GPC6: variants seen among roughly 807,000 people sequenced by gnomAD.
GPC6 encodes glypican 6.
A neutral mutation model predicts 55.2 loss-of-function variants in GPC6; 14 were observed. That is an observed-to-expected ratio of 0.25 (90% CI 0.17 to 0.40). GPC6 has a LOEUF of 0.40. GPC6 is among the 10% of genes least tolerant of loss of function. GPC6 has a pLI of 1.00. For missense variants in GPC6, 641 were observed against 708.5 expected (o/e 0.90, Z 1.08); for synonymous variants, 278 against 259.6 (o/e 1.07, Z -0.68).
intron 4 of GPC6, among the ~76,000 whole-genome samples, chr13:94,140,633 T>C (rs1887340060): frequency 6.6e-6 from 1 of 152,106 alleles, no homozygotes; most frequent in South Asian, 2.1e-4. Context: ...GGATTGAAAT[T>C]TAGACCCGAA....
Position 93,640,325 on chromosome 13 carries a change from G to T in GPC6, c.319+94904G>T, listed in dbSNP as rs182234605. Among the ~76,000 whole-genome samples, 5 of 152,152 alleles carry T rather than the reference G, an allele frequency of 3.3e-5. No individual in the cohort carries two copies. In the East Asian group the frequency reaches 7.7e-4, roughly 24 times the overall value. On this transcript the variant is annotated intron_variant, in intron 2 of 8. Transcript: ENST00000377047. ...AGGAAAAATAATTATCAAGTATTGC[G>T]TGCTTACTATATGCCAAGTACATTA...
At chr13:93,664,079 C>T (rs780668355) in intron 2 of GPC6, among the ~76,000 whole-genome samples, 8 of 151,904 alleles carry the variant, frequency 5.3e-5, no homozygotes, top group Non-Finnish European at 7.4e-5. Context: ...GAAGATTGCT[C>T]AAAATGTTTG....
intron 3 of GPC6, among the ~76,000 whole-genome samples, chr13:94,009,190 A>C (rs529906757): frequency 1.3e-5 from 2 of 152,196 alleles, no homozygotes; most frequent in African/African-American, 4.8e-5. Flanking sequence ...AAATCTTTGG[A>C]TAAATATTAC....
chr13:93,334,233 G>T (rs1418008661), intron 1 of GPC6, among the ~76,000 whole-genome samples: 2 of 152,006 alleles, frequency 1.3e-5, no homozygotes, highest in African/African-American at 4.8e-5. Context: ...CTTTTTATCT[G>T]AATGTGTAGC....
At chr13:93,929,434 G>C (rs1426516566) in intron 3 of GPC6, among the ~76,000 whole-genome samples, 1 of 152,150 alleles carries the variant, frequency 6.6e-6, no homozygotes, top group Non-Finnish European at 1.5e-5. Context: ...TATATCATCA[G>C]TTTAATCAGT....
At chr13:93,666,733 T>A (rs1881151661) in intron 2 of GPC6, among the ~76,000 whole-genome samples, 1 of 152,194 alleles carries the variant, frequency 6.6e-6, no homozygotes, top group South Asian at 2.1e-4. Flanking sequence ...ACTAAAATCA[T>A]GTCAGAGTTA....
At position 93,545,358 on chromosome 13, in the gene GPC6, C is replaced by G; in HGVS notation, c.256C>G (p.Leu86Val). 1 of 1,613,748 alleles carries G rather than the reference C, an allele frequency of 6.2e-7. No individual in the cohort carries two copies. Among genetic ancestry groups the G allele is most frequent in the African/African-American group, 1.3e-5 (1 of 75,000 alleles). Reference sequence around the variant, plus strand: ...ACAAAGCAAACTCGAATTTGAAAACCTTGTGGAAGAGACAAGCCATTTTGT... The same window carrying G: ...ACAAAGCAAACTCGAATTTGAAAACGTTGTGGAAGAGACAAGCCATTTTGT... ...SQQSKLEFEN[L>V]VEETSHFVRT... The change falls in exon 2 of 9, where the codon CTT becomes GTT. Residue 86 changes from leucine to valine, a missense_variant. Transcript: ENST00000377047.
intron 6 of GPC6, among the ~76,000 whole-genome samples, chr13:94,347,122 T>C (rs1348269285): frequency 6.6e-6 from 1 of 152,198 alleles, no homozygotes; most frequent in Non-Finnish European, 1.5e-5. Flanking sequence ...GGTGATGTTA[T>C]ATTTGAGCAT....
In GPC6 at chr13:93,558,053, C is replaced by T. The variant is rs1045660011; in HGVS notation, c.319+12632C>T. Among the ~76,000 whole-genome samples the T allele has an allele frequency of 5.9e-5, 9 of 152,180 alleles. No homozygotes were observed. The East Asian group carries it at 1.7e-3, about 29-fold the overall frequency. ...ATTTTAGCCATGTAAATAGCACAGG[C>T]CTTGGATCTTCACAGAATGTGTTTC... On this transcript the variant is annotated intron_variant, in intron 2 of 8. Coordinates refer to ENST00000377047, the MANE Select transcript of GPC6 (RefSeq NM_005708.5).
intron 4 of GPC6, among the ~76,000 whole-genome samples, chr13:94,049,771 ATC>A (rs765921426): frequency 9.2e-5 from 14 of 152,046 alleles, no homozygotes; most frequent in Non-Finnish European, 1.6e-4. Flanking sequence ...TACTTTACCT[ATC>A]TGTTTGTTTG....
chr13:93,737,043 G>A (rs549598209), intron 2 of GPC6, among the ~76,000 whole-genome samples: 4 of 152,266 alleles, frequency 2.6e-5, no homozygotes, highest in African/African-American at 7.2e-5. Flanking sequence ...GGCATTCTGT[G>A]TCCACCTTAC....
intron 2 of GPC6, among the ~76,000 whole-genome samples, chr13:93,674,385 A>G (rs1881495569): frequency 1.3e-5 from 2 of 152,128 alleles, no homozygotes; most frequent in Admixed American, 1.3e-4. Flanking sequence ...TTTATGTCCT[A>G]TCTTTGACTT....
chr13:94,243,967 G>A (rs1016772397), intron 4 of GPC6, among the ~76,000 whole-genome samples: 3 of 152,116 alleles, frequency 2.0e-5, no homozygotes, highest in Non-Finnish European at 4.4e-5. Flanking sequence ...ATAAATGGAT[G>A]CGACTTCCAT....
At chr13:93,470,370 G>A (rs561928177) in intron 1 of GPC6, among the ~76,000 whole-genome samples, 72 of 152,006 alleles carry the variant, frequency 4.7e-4, no homozygotes, top group Non-Finnish European at 8.2e-4. Context: ...TGCATCAGTT[G>A]GTAAAATCAT....
chr13:93,946,512 C>A (rs1879018218), intron 3 of GPC6, among the ~76,000 whole-genome samples: 1 of 152,186 alleles, frequency 6.6e-6, no homozygotes, highest in South Asian at 2.1e-4. Flanking sequence ...AACAAGCTTA[C>A]AAAATTCATG....
At chr13:93,547,613 C>T (rs1176022062) in intron 2 of GPC6, among the ~76,000 whole-genome samples, 2 of 151,936 alleles carry the variant, frequency 1.3e-5, no homozygotes, top group Non-Finnish European at 2.9e-5. Flanking sequence ...TTAGATCTGA[C>T]CTAAGGGAGG....
intron 4 of GPC6, among the ~76,000 whole-genome samples, chr13:94,255,230 T>C (rs562270556): frequency 3.5e-4 from 53 of 152,244 alleles, no homozygotes; most frequent in Non-Finnish European, 6.9e-4. Context: ...GGACTTATAA[T>C]CAAAGAACCT....
chr13:93,402,568 G>A (rs888559718), intron 1 of GPC6, among the ~76,000 whole-genome samples: 1 of 152,104 alleles, frequency 6.6e-6, no homozygotes, highest in Non-Finnish European at 1.5e-5. Flanking sequence ...TGGCCAGGCC[G>A]GTCTGAATTT....
At chr13:93,910,932 A>G (rs1876941375) in intron 3 of GPC6, among the ~76,000 whole-genome samples, 1 of 152,206 alleles carries the variant, frequency 6.6e-6, no homozygotes, top group Non-Finnish European at 1.5e-5. Flanking sequence ...CAATATATCA[A>G]TTACCAGCTG....
Sources: allele counts gnomAD v4.1 joint callset (sites outside exome capture counted in the v4.1 genomes callset), GRCh38; gene constraint gnomAD v4.1.1; transcripts MANE v1.5; gene names NCBI Gene and HGNC (gene_info 2026-07-23, HGNC 2026-07-21).